The following MRPS6 variants were observed in gnomAD, a reference collection of about 807,000 sequenced individuals.
The protein encoded by MRPS6 is small ribosomal subunit protein bS6m.
In MRPS6, 6 loss-of-function variants were observed where a neutral mutation model predicts 13.1. The ratio of observed to expected loss-of-function variants is 0.46; its 90% confidence interval spans 0.25 to 0.91. The LOEUF (loss-of-function observed/expected upper bound fraction) is 0.91. MRPS6 is among the 40% of genes least tolerant of loss of function. The pLI is 0.18. For synonymous variants in MRPS6, 61 were observed against 56.5 expected (o/e 1.08, Z -0.36); for missense variants, 164 against 155.6 (o/e 1.05, Z -0.29).
In MRPS6 at chr21:34,098,417, A is replaced by G. The variant is rs368310120; in HGVS notation, c.45+24672A>G. On this transcript the variant is annotated intron_variant, in intron 1 of 2. Coordinates refer to ENST00000399312, the MANE Select transcript of MRPS6 (RefSeq NM_032476.4). ...ATCAAGGTTGAATTTTTAGAGGGAA[A>G]ATTTAATTCTGATATCTTATTGCAT... is the stretch of plus-strand genomic sequence containing the variant. 106 of 1,000,202 alleles carry G rather than the reference A, an allele frequency of 1.1e-4. No individual in the cohort carries two copies. The African/African-American group carries it at 1.7e-3, about 16-fold the overall frequency. The allele number at this position is 1,000,202 out of a possible 1,614,324, so 62.0% of individuals were successfully genotyped here. A position where few individuals can be genotyped will look rare whatever the true frequency, so the allele number is the denominator to read the frequency against.
chr21:34,097,112 C>A, intron 1 of MRPS6: 1 of 1,613,994 alleles, frequency 6.2e-7, no homozygotes, highest in Non-Finnish European at 8.5e-7. Flanking sequence ...AAGCAGCTCT[C>A]ATGGGTGAGA....
chr21:34,115,920 CT>C (rs777048344), intron 1 of MRPS6, among the ~76,000 whole-genome samples: 352 of 140,768 alleles, frequency 2.5e-3, no homozygotes, highest in Middle Eastern at 3.6e-3. Context: ...CTACATAGTC[CT>C]TTTTTTTTTT....
chr21:34,131,361 T>G lies in MRPS6; in HGVS notation c.185+5881T>G, dbSNP rs1379451201. 2.6e-5 allele frequency among the ~76,000 whole-genome samples: 4 copies of G among 152,154 alleles called. No homozygotes were observed. In the South Asian group the frequency reaches 8.3e-4, roughly 32 times the overall value. ...ATTGTGGTTGTGGAGTCCTCTTGAT[T>G]CTCTCTTTTCCCAGGGTCAGGAGGA... On this transcript the variant is annotated intron_variant, in intron 2 of 2. Coordinates refer to ENST00000399312, the MANE Select transcript of MRPS6 (RefSeq NM_032476.4).
rs528305689 is a variant in MRPS6, at chr21:34,086,209, GGTTTT to G, written c.45+12482_45+12486del. Among the ~76,000 whole-genome samples the G allele has an allele frequency of 1.3e-3, 194 of 152,202 alleles. 1 individual carries two copies. Among genetic ancestry groups the G allele is most frequent in the African/African-American group, 4.0e-3 (166 of 41,512 alleles). On this transcript the variant is annotated intron_variant, in intron 1 of 2. Transcript: ENST00000399312. ...GGTTCTAGAAATTTGATTAGATTCAGGTTTTGTTTTGTTTTGTTTTGTAAGAGCAC... is the reference window on the plus strand; with the variant it reads ...GGTTCTAGAAATTTGATTAGATTCAGGTTTTGTTTTGTTTTGTAAGAGCAC...
intron 1 of MRPS6, among the ~76,000 whole-genome samples, chr21:34,092,180 T>G (rs1420048700): frequency 6.6e-6 from 1 of 152,116 alleles, no homozygotes; most frequent in Non-Finnish European, 1.5e-5. Flanking sequence ...GGAATGTAGT[T>G]TATCTCTTGA....
chr21:34,126,878 C>T (rs61411662), intron 2 of MRPS6, among the ~76,000 whole-genome samples: 3,213 of 152,216 alleles, frequency 0.021, 111 homozygotes, highest in African/African-American at 0.072. Context: ...GTAATGCTGA[C>T]GTCACTTGTC....
chr21:34,137,990 A>C (rs1980767921), intron 2 of MRPS6, among the ~76,000 whole-genome samples: 1 of 152,156 alleles, frequency 6.6e-6, no homozygotes, highest in African/African-American at 2.4e-5. Context: ...ATATGATAGT[A>C]GTGAATTTGC....
chr21:34,134,255 G>A (rs1980608103), intron 2 of MRPS6, among the ~76,000 whole-genome samples: 1 of 152,230 alleles, frequency 6.6e-6, no homozygotes, highest in Admixed American at 6.5e-5. Context: ...ATGTGGCCAG[G>A]ATTATGTGTA....
At chr21:34,098,366 T>A (rs1602932765) in intron 1 of MRPS6, 1 of 1,000,300 alleles carries the variant, frequency 1.0e-6, no homozygotes. Flanking sequence ...TGTGCTGGAT[T>A]GCTCTACTTG....
intron 2 of MRPS6, among the ~76,000 whole-genome samples, chr21:34,137,859 G>A (rs1165277816): frequency 6.6e-6 from 1 of 151,670 alleles, no homozygotes; most frequent in Non-Finnish European, 1.5e-5. Context: ...TGATCATATG[G>A]TGTTTCTTTT....
intron 1 of MRPS6, among the ~76,000 whole-genome samples, chr21:34,082,992 C>T (rs939142786): frequency 6.6e-6 from 1 of 152,172 alleles, no homozygotes; most frequent in Non-Finnish European, 1.5e-5. Context: ...CTTAGCAAAA[C>T]TTTCTTTATT....
At chr21:34,087,143 A>G (rs1186568522) in intron 1 of MRPS6, among the ~76,000 whole-genome samples, 1 of 152,210 alleles carries the variant, frequency 6.6e-6, no homozygotes, top group Non-Finnish European at 1.5e-5. Context: ...GTCATGGGCC[A>G]CTGAGATTTT....
intron 1 of MRPS6, among the ~76,000 whole-genome samples, chr21:34,093,246 T>C (rs950367528): frequency 1.3e-5 from 2 of 152,016 alleles, no homozygotes; most frequent in Non-Finnish European, 2.9e-5. Context: ...AGATTTTTTT[T>C]TTTTTTTTTG....
At chr21:34,137,957 C>T (rs1185900462) in intron 2 of MRPS6, among the ~76,000 whole-genome samples, 1 of 151,898 alleles carries the variant, frequency 6.6e-6, no homozygotes, top group Non-Finnish European at 1.5e-5. Context: ...CCTGCTTGGT[C>T]ATGGTATATT....
chr21:34,135,076 C>T (rs1980641794), intron 2 of MRPS6, among the ~76,000 whole-genome samples: 1 of 152,050 alleles, frequency 6.6e-6, no homozygotes, highest in South Asian at 2.1e-4. Context: ...TTTCACTCAG[C>T]ATAATTATTT....
chr21:34,087,881 A>G (rs1037952870), intron 1 of MRPS6, among the ~76,000 whole-genome samples: 4 of 152,252 alleles, frequency 2.6e-5, no homozygotes, highest in African/African-American at 7.2e-5. Context: ...AGTATCGCCA[A>G]CAGGCTTTGC....
chr21:34,130,422 G>A (rs1168249281), intron 2 of MRPS6, among the ~76,000 whole-genome samples: 1 of 152,170 alleles, frequency 6.6e-6, no homozygotes. Context: ...GGCCTCTCCA[G>A]GGGAGGGGCA....
chr21:34,138,466 T>A (rs1980783888), intron 2 of MRPS6, among the ~76,000 whole-genome samples: 2 of 152,038 alleles, frequency 1.3e-5, no homozygotes, highest in Non-Finnish European at 2.9e-5. Context: ...ATATCCAGAA[T>A]CTACAATGAA....
chr21:34,130,270 C>A (rs1218795469), intron 2 of MRPS6, among the ~76,000 whole-genome samples: 3 of 152,138 alleles, frequency 2.0e-5, no homozygotes, highest in Non-Finnish European at 2.9e-5. Flanking sequence ...AGGGTTAAGA[C>A]AAAAGTGAAT....
Sources: allele counts gnomAD v4.1 joint callset (sites outside exome capture counted in the v4.1 genomes callset), GRCh38; gene constraint gnomAD v4.1.1; transcripts MANE v1.5; gene names NCBI Gene and HGNC (gene_info 2026-07-23, HGNC 2026-07-21).